Variants in CERS4 observed in about 807,000 individuals in gnomAD.
CERS4 encodes ceramide synthase 4.
A neutral mutation model predicts 51.8 loss-of-function variants in CERS4; 65 were observed. That is an observed-to-expected ratio of 1.26 (90% CI 1.03 to 1.54). CERS4 has a LOEUF of 1.54. Among genes scored for constraint, CERS4 ranks in the 40% most tolerant of loss-of-function variants. The pLI, the probability that CERS4 is intolerant of heterozygous loss-of-function variation, is 0.00. For missense variants in CERS4, 563 were observed against 500.4 expected, an observed-to-expected ratio of 1.13 and a Z score of -1.19; for synonymous variants, 228 against 208.4, an observed-to-expected ratio of 1.09 and a Z score of -0.81.
At position 8,251,028 on chromosome 19, in the gene CERS4, C is replaced by G. The variant is rs772029474; in HGVS notation, c.-1-48C>G. The G allele has an allele frequency of 2.0e-6, 3 of 1,530,980 alleles. No homozygotes were observed. The South Asian group carries it at 3.9e-5, about 20-fold the overall frequency. The allele number at this position is 1,530,980 out of a possible 1,614,324, so 94.8% of individuals were successfully genotyped here. A position where few individuals can be genotyped will look rare whatever the true frequency, so the allele number is the denominator to read the frequency against. Reference sequence around the variant, plus strand: ...AGCCTCTCAGGCCCCACTTGCCCCACCCATTCTGCTTGCAGACCTCCCAGC... The same window carrying G: ...AGCCTCTCAGGCCCCACTTGCCCCAGCCATTCTGCTTGCAGACCTCCCAGC... On this transcript the variant is annotated intron_variant, in intron 2 of 11. Transcript: ENST00000251363.
In CERS4 at chr19:8,262,243, T is replaced by C; in HGVS notation, c.*134T>C. On this transcript the variant is annotated 3_prime_UTR_variant, in exon 12 of 12. Coordinates refer to ENST00000251363, the MANE Select transcript of CERS4 (RefSeq NM_024552.3). ...CACCCGGGGTGGGTGGGAAGGCTGA[T>C]GATCTGTCTCCAGCCCCTTCCTTCT... The C allele has an allele frequency of 1.0e-6, 1 of 968,398 alleles. No homozygotes were observed. Among genetic ancestry groups the C allele is most frequent in the Non-Finnish European group, 1.4e-6 (1 of 703,972 alleles). The allele number at this position is 968,398 out of a possible 1,614,324, so 60.0% of individuals were successfully genotyped here. A position where few individuals can be genotyped will look rare whatever the true frequency, so the allele number is the denominator to read the frequency against.
chr19:8,219,529 G>A (rs115465738), intron 2 of CERS4, among the ~76,000 whole-genome samples: 6,345 of 151,966 alleles, frequency 0.042, 440 homozygotes, highest in African/African-American at 0.14. Context: ...AAATTAGCTG[G>A]GTGAGGGCTG....
At chr19:8,248,341 C>A (rs746759537) in intron 2 of CERS4, among the ~76,000 whole-genome samples, 1 of 151,592 alleles carries the variant, frequency 6.6e-6, no homozygotes, top group African/African-American at 2.4e-5. Flanking sequence ...ATAGATGCAA[C>A]GACAGATGGA....
intron 2 of CERS4, among the ~76,000 whole-genome samples, chr19:8,233,882 T>G (rs146510856): frequency 0.014 from 2,088 of 152,080 alleles, 39 homozygotes; most frequent in African/African-American, 0.047. Flanking sequence ...TAGCTGGGCA[T>G]GGTGGCACAC....
In CERS4 at chr19:8,258,386, A is replaced by T. The variant is rs564020797; in HGVS notation, c.848+401A>T. On this transcript the variant is annotated intron_variant, in intron 10 of 11. Coordinates refer to ENST00000251363, the MANE Select transcript of CERS4 (RefSeq NM_024552.3). ...GAGGCAGCCACGTGAACTGCACAGC[A>T]TGCGAAGGAGAGATTTACTAACAAG... is the stretch of plus-strand genomic sequence containing the variant. Among the ~76,000 whole-genome samples the T allele has an allele frequency of 5.3e-5, 8 of 152,306 alleles. No individual in the cohort carries two copies. The East Asian group carries it at 1.5e-3, about 29-fold the overall frequency.
At position 8,218,415 on chromosome 19, in the gene CERS4, G is replaced by A. The variant is rs1281703811; in HGVS notation, c.-2+7553G>A. 2.0e-5 allele frequency among the ~76,000 whole-genome samples: 3 copies of A among 152,228 alleles called. No homozygotes were observed. In the East Asian group the frequency reaches 5.8e-4, roughly 29 times the overall value. ...GAGGGAGCGGCCCAGGCAAAGGCCT[G>A]GCATCCGGGAATGGCATCGGAGCAA... On this transcript the variant is annotated intron_variant, in intron 2 of 11. Coordinates refer to ENST00000251363, the MANE Select transcript of CERS4 (RefSeq NM_024552.3).
At chr19:8,245,570 C>T (rs1010941322) in intron 2 of CERS4, among the ~76,000 whole-genome samples, 8 of 151,648 alleles carry the variant, frequency 5.3e-5, no homozygotes, top group East Asian at 1.9e-4. Context: ...GATGAAGTCT[C>T]GCTCTCTCAC....
chr19:8,234,159 A>G (rs1968136099), intron 2 of CERS4, among the ~76,000 whole-genome samples: 1 of 152,102 alleles, frequency 6.6e-6, no homozygotes, highest in Non-Finnish European at 1.5e-5. Flanking sequence ...ACAAAAAATT[A>G]GCCGGGCATG....
At chr19:8,255,778 G>T (rs761956569) in intron 5 of CERS4, 44 bp from the exon 6 acceptor site, 23 of 686,350 alleles carry the variant, frequency 3.4e-5, no homozygotes, top group Non-Finnish European at 5.2e-5. Flanking sequence ...GGGGTGGGGC[G>T]GGGCGGGTGT....
chr19:8,239,829 A>T (rs1968449431), intron 2 of CERS4, among the ~76,000 whole-genome samples: 1 of 152,126 alleles, frequency 6.6e-6, no homozygotes. Flanking sequence ...TATTCTACTC[A>T]TTCATCCATG....
Position 8,224,406 on chromosome 19 carries a change from C to CAA in CERS4, c.-2+13562_-2+13563dup, listed in dbSNP as rs34399032. Reference sequence around the variant, plus strand: ...TGGGTGACAGAGCGAGACTCCATCGCAAAAAAAAAAAAAAAAAAATTGTTG... The same window carrying CAA: ...TGGGTGACAGAGCGAGACTCCATCGCAAAAAAAAAAAAAAAAAAAAATTGTTG... On this transcript the variant is annotated intron_variant, in intron 2 of 11. Transcript: ENST00000251363. Among the ~76,000 whole-genome samples, 212 of 104,462 alleles carry CAA rather than the reference C, an allele frequency of 2.0e-3. 3 individuals carry two copies. Among genetic ancestry groups the CAA allele is most frequent in the African/African-American group, 6.5e-3 (185 of 28,474 alleles). 68.5% of individuals were successfully genotyped at this position (104,462 alleles called of 152,430 possible).
At chr19:8,256,338 G>A in intron 7 of CERS4, 52 bp downstream of exon 7, 1 of 1,596,010 alleles carries the variant, frequency 6.3e-7, no homozygotes. Context: ...GATGATCACA[G>A]TTGCTGCAGC....
chr19:8,240,615 T>TGTGTGTGTGTGTGTGTGTGTGTGTGG, intron 2 of CERS4: 1 of 149,136 alleles, frequency 6.7e-6, no homozygotes, highest in Non-Finnish European at 1.5e-5. Flanking sequence ...TGTGTGTGTG[T>TGTGTGTGTGTGTGTGTGTGTGTGTGG]TTTCATCTCT....
chr19:8,229,325 C>A lies in CERS4; in HGVS notation c.-2+18463C>A, dbSNP rs565522474. ...CACTGGCTCCCATCCCAACCCGGAC[C>A]AGCTCCCTAGTATAACAACTCACAT... On this transcript the variant is annotated intron_variant, in intron 2 of 11. Transcript: ENST00000251363. Among the ~76,000 whole-genome samples, 4 of 152,234 alleles carry A rather than the reference C, an allele frequency of 2.6e-5. No individual in the cohort carries two copies. The East Asian group carries it at 5.8e-4, about 22-fold the overall frequency.
intron 2 of CERS4, among the ~76,000 whole-genome samples, chr19:8,232,889 A>ATTTTTTTTT (rs34774744): frequency 3.4e-5 from 2 of 59,172 alleles, no homozygotes; most frequent in African/African-American, 1.3e-4. Flanking sequence ...TGCCTCGCTG[A>ATTTTTTTTT]TTTTTTTTTT....
At chr19:8,236,053 G>A (rs532300242) in intron 2 of CERS4, among the ~76,000 whole-genome samples, 2 of 152,234 alleles carry the variant, frequency 1.3e-5, no homozygotes, top group African/African-American at 4.8e-5. Context: ...AAAATTAGCT[G>A]GGCATGGTGG....
chr19:8,235,934 G>A (rs1356676827), intron 2 of CERS4, among the ~76,000 whole-genome samples: 4 of 152,032 alleles, frequency 2.6e-5, no homozygotes, highest in African/African-American at 7.2e-5. Flanking sequence ...GGTGGCTCAC[G>A]CCTGTAATCC....
chr19:8,218,942 C>T (rs1599512199), intron 2 of CERS4, among the ~76,000 whole-genome samples: 1 of 152,266 alleles, frequency 6.6e-6, no homozygotes, highest in East Asian at 1.9e-4. Context: ...AGCCGTGGCT[C>T]ATGCCTGTAA....
At position 8,223,171 on chromosome 19, in the gene CERS4, CA is replaced by C. The variant is rs915136657; in HGVS notation, c.-2+12320del. On this transcript the variant is annotated intron_variant, in intron 2 of 11. Transcript: ENST00000251363. Reference sequence around the variant, plus strand: ...CAACATAGGGAAACCCTGTCTCTGCCAAAAAAAAAAATTAGCTGGGCATGGC... The same window carrying C: ...CAACATAGGGAAACCCTGTCTCTGCCAAAAAAAAAATTAGCTGGGCATGGC... 6.6e-3 allele frequency among the ~76,000 whole-genome samples: 905 copies of C among 137,612 alleles called. 7 individuals are homozygous for C. The highest frequency in any genetic ancestry group is 0.023 in the African/African-American group (848 of 37,462). The allele number at this position is 137,612 out of a possible 152,430, so 90.3% of individuals were successfully genotyped here.
Sources: allele counts gnomAD v4.1 joint callset (sites outside exome capture counted in the v4.1 genomes callset), GRCh38; gene constraint gnomAD v4.1.1; transcripts MANE v1.5; gene names NCBI Gene and HGNC (gene_info 2026-07-23, HGNC 2026-07-21).